KCNIP4: variants seen among roughly 807,000 people sequenced by gnomAD.
The protein encoded by KCNIP4 is potassium voltage-gated channel interacting protein 4.
Under a neutral mutation model 34.0 loss-of-function variants are expected in KCNIP4, and 12 were observed. The observed-to-expected ratio is 0.35, with a 90% CI of 0.23 to 0.57. KCNIP4 has a LOEUF of 0.57. Among genes scored for constraint, KCNIP4 ranks in the 20% least tolerant of loss-of-function variants. The pLI is 0.83. For missense variants in KCNIP4, 238 were observed against 311.7 expected (o/e 0.76, Z 1.78); for synonymous variants, 124 against 102.2 (o/e 1.21, Z -1.29).
intron 1 of KCNIP4, among the ~76,000 whole-genome samples, chr4:21,346,575 TCA>T (rs1717447747): frequency 6.6e-6 from 1 of 151,876 alleles, no homozygotes; most frequent in Admixed American, 6.6e-5. Context: ...AAACTTAGAC[TCA>T]CAAACAACTT....
intron 1 of KCNIP4, among the ~76,000 whole-genome samples, chr4:21,669,226 GGTGATC>G (rs1749273782): frequency 6.7e-6 from 1 of 148,584 alleles, no homozygotes; most frequent in Non-Finnish European, 1.5e-5. Flanking sequence ...CCCGAGCTCA[GGTGATC>G]CTCCTTCCCA....
At chr4:20,991,239 G>T (rs1737055704) in intron 1 of KCNIP4, among the ~76,000 whole-genome samples, 1 of 152,160 alleles carries the variant, frequency 6.6e-6, no homozygotes, top group Admixed American at 6.5e-5. Context: ...AGAGACACAA[G>T]ATTTAAAATG....
At chr4:20,985,488 C>T (rs1736486666) in intron 1 of KCNIP4, among the ~76,000 whole-genome samples, 1 of 152,060 alleles carries the variant, frequency 6.6e-6, no homozygotes, top group Non-Finnish European at 1.5e-5. Flanking sequence ...GTGAGGAAAA[C>T]AAAGCATGAA....
chr4:21,540,299 T>G (rs1016366418), intron 1 of KCNIP4, among the ~76,000 whole-genome samples: 4 of 152,160 alleles, frequency 2.6e-5, no homozygotes, highest in African/African-American at 9.7e-5. Flanking sequence ...TTCTACAATT[T>G]ATAGTATACG....
intron 1 of KCNIP4, among the ~76,000 whole-genome samples, chr4:20,989,777 C>T (rs1198028649): frequency 6.6e-6 from 1 of 151,900 alleles, no homozygotes; most frequent in Non-Finnish European, 1.5e-5. Flanking sequence ...AAGACCAGCC[C>T]GGGCAACATG....
intron 1 of KCNIP4, among the ~76,000 whole-genome samples, chr4:21,061,981 A>G (rs918237783): frequency 6.6e-6 from 1 of 152,184 alleles, no homozygotes; most frequent in Non-Finnish European, 1.5e-5. Flanking sequence ...GAAGAAATCT[A>G]TCTTGTTCAC....
At chr4:20,840,684 C>G (rs1029281065) in intron 3 of KCNIP4, among the ~76,000 whole-genome samples, 5 of 152,192 alleles carry the variant, frequency 3.3e-5, no homozygotes, top group Non-Finnish European at 5.9e-5. Context: ...CCATCCTGTC[C>G]CCAACGGAGT....
At chr4:20,829,597 A>G (rs1237636589) in intron 3 of KCNIP4, among the ~76,000 whole-genome samples, 1 of 152,120 alleles carries the variant, frequency 6.6e-6, no homozygotes, top group Non-Finnish European at 1.5e-5. Flanking sequence ...ATTTTTTTCT[A>G]TAATATACTT....
chr4:21,568,597 A>G (rs971060435), intron 1 of KCNIP4, among the ~76,000 whole-genome samples: 2 of 152,142 alleles, frequency 1.3e-5, no homozygotes, highest in African/African-American at 4.8e-5. Flanking sequence ...TCCAGCCACC[A>G]TCTTTCTCCT....
chr4:21,909,331 G>T (rs1398843283), intron 1 of KCNIP4, among the ~76,000 whole-genome samples: 2 of 151,930 alleles, frequency 1.3e-5, no homozygotes, highest in Non-Finnish European at 2.9e-5. Context: ...GTCAGCCCAG[G>T]CTTCTCCCCC....
At chr4:21,269,626 C>T (rs746044574) in intron 1 of KCNIP4, among the ~76,000 whole-genome samples, 3 of 152,102 alleles carry the variant, frequency 2.0e-5, no homozygotes, top group African/African-American at 7.2e-5. Context: ...AACTCCTGAG[C>T]TCAAGCAATC....
chr4:21,551,118 T>C (rs1489989752), intron 1 of KCNIP4, among the ~76,000 whole-genome samples: 1 of 152,096 alleles, frequency 6.6e-6, no homozygotes, highest in Non-Finnish European at 1.5e-5. Flanking sequence ...TAGACGTAGA[T>C]ATATGTGAAT....
chr4:21,015,980 C>T (rs1027343307), intron 1 of KCNIP4, among the ~76,000 whole-genome samples: 1 of 143,860 alleles, frequency 7.0e-6, no homozygotes, highest in Non-Finnish European at 1.5e-5. Flanking sequence ...ATGTCAGGTA[C>T]TATGCTTAAA....
chr4:20,873,939 G>T (rs1440489210), intron 2 of KCNIP4, among the ~76,000 whole-genome samples: 1 of 152,100 alleles, frequency 6.6e-6, no homozygotes, highest in Non-Finnish European at 1.5e-5. Flanking sequence ...ATGAAATGAT[G>T]ATTCTTCTCC....
intron 2 of KCNIP4, among the ~76,000 whole-genome samples, chr4:20,872,176 A>G (rs1386256528): frequency 1.3e-5 from 2 of 152,154 alleles, no homozygotes; most frequent in Admixed American, 6.6e-5. Flanking sequence ...TCAATGAAGA[A>G]TATGTCCACC....
At chr4:21,142,074 C>A (rs1751999724) in intron 1 of KCNIP4, among the ~76,000 whole-genome samples, 1 of 149,700 alleles carries the variant, frequency 6.7e-6, no homozygotes, top group Admixed American at 6.7e-5. Flanking sequence ...TCGTGTGAAC[C>A]CGGGAGGCTG....
chr4:21,480,981 A>C (rs2109832654), intron 1 of KCNIP4, among the ~76,000 whole-genome samples: 1 of 152,328 alleles, frequency 6.6e-6, no homozygotes, highest in Non-Finnish European at 1.5e-5. Context: ...AAGAAATTAA[A>C]CAGAAATATG....
chr4:20,735,108 C>A (rs1192311841), intron 5 of KCNIP4, among the ~76,000 whole-genome samples: 1 of 152,080 alleles, frequency 6.6e-6, no homozygotes, highest in African/African-American at 2.4e-5. Context: ...TAACACACTT[C>A]AATGAAAAAC....
chr4:21,238,750 C>G (rs1401828154), intron 1 of KCNIP4, among the ~76,000 whole-genome samples: 2 of 152,156 alleles, frequency 1.3e-5, no homozygotes, highest in Non-Finnish European at 2.9e-5. Flanking sequence ...AATGGAAGAA[C>G]ATTCCATGCT....
Sources: gnomAD v4.1 joint callset for allele counts (sites outside exome capture counted in the v4.1 genomes callset) on GRCh38, gnomAD v4.1.1 for gene constraint, MANE v1.5 for transcripts, NCBI Gene and HGNC (gene_info 2026-07-23, HGNC 2026-07-21) for gene names.